Variants in HIRIP3 observed in about 807,000 individuals in gnomAD.
The protein encoded by HIRIP3 is HIRA-interacting protein 3.
Under a neutral mutation model 50.3 loss-of-function variants are expected in HIRIP3, and 40 were observed. The observed-to-expected ratio is 0.79, with a 90% CI of 0.62 to 1.03. The LOEUF (loss-of-function observed/expected upper bound fraction) is 1.03. HIRIP3 is among the 50% of genes least tolerant of loss of function. The pLI is 0.00. For synonymous variants in HIRIP3, 318 were observed against 261.6 expected (o/e 1.22, Z -2.08); for missense variants, 765 against 705.4 (o/e 1.08, Z -0.96).
At position 29,995,147 on chromosome 16, in the gene HIRIP3, C is replaced by A; in HGVS notation, c.257G>T (p.Cys86Phe). The A allele has an allele frequency of 6.2e-7, 1 of 1,614,252 alleles. No homozygotes were observed. Among genetic ancestry groups the A allele is most frequent in the South Asian group, 1.1e-5 (1 of 91,088 alleles). Residue 86 changes from cysteine to phenylalanine, a missense_variant, in exon 3 of 7, where the codon TGT (cysteine) becomes TTT (phenylalanine). Coordinates refer to ENST00000279392, the MANE Select transcript of HIRIP3 (RefSeq NM_003609.5). Reference sequence around the variant, plus strand: ...GAACCTTTTTCTCTCCGGGTCGCTACAAGGGGTGGGAGGCCTCTTGCCCTT... The same window carrying A: ...GAACCTTTTTCTCTCCGGGTCGCTAAAAGGGGTGGGAGGCCTCTTGCCCTT... ...TKKGKRPPTP[C>F]SDPERKRFRF...
rs2070006217 is a variant in HIRIP3, at chr16:29,993,169, G to C, written c.*38C>G. ...GGGCAAGGGGTGCTATGTATGCTTT[G>C]TACATGTATCAAGGGTCCCTCCTGG... is the stretch of plus-strand genomic sequence containing the variant. On this transcript the variant is annotated 3_prime_UTR_variant, in exon 7 of 7. Coordinates refer to ENST00000279392, the MANE Select transcript of HIRIP3 (RefSeq NM_003609.5). 1 of 1,546,676 alleles carries C rather than the reference G, an allele frequency of 6.5e-7. No homozygotes were observed. The highest frequency in any genetic ancestry group is 1.4e-5 in the African/African-American group (1 of 72,532).
chr16:29,994,629 C>T lies in HIRIP3; in HGVS notation c.516G>A (p.Arg172=). 1 of 1,614,144 alleles carries T rather than the reference C, an allele frequency of 6.2e-7. No homozygotes were observed. ...CCTGCTTCTTTACCACAGGTTTCTTCCTAGTCTTCCCCTTGTACCCCTTTT... is the reference window on the plus strand; with the variant it reads ...CCTGCTTCTTTACCACAGGTTTCTTTCTAGTCTTCCCCTTGTACCCCTTTT... The part of the protein sequence containing the change: ...EEEKGYKGKT[R]KKPVVKKQAP... Residue 172 remains arginine, a synonymous_variant, in exon 4 of 7, where the codon AGG becomes AGA. Coordinates refer to ENST00000279392, the MANE Select transcript of HIRIP3 (RefSeq NM_003609.5).
Position 29,993,892 on chromosome 16 carries a change from C to T in HIRIP3, c.1239+14G>A, listed in dbSNP as rs1217998537. On this transcript the variant is annotated intron_variant, in intron 4 of 6. Coordinates refer to ENST00000279392, the MANE Select transcript of HIRIP3 (RefSeq NM_003609.5). ...CTTCCCTAATAGTGGCCTCCCACCC[C>T]TCCTCACCCTCACCTTCCCTCCTTT... is the stretch of plus-strand genomic sequence containing the variant. 6.3e-7 allele frequency: 1 copy of T among 1,583,542 alleles called. No individual in the cohort carries two copies. The highest frequency in any genetic ancestry group is 1.3e-5 in the African/African-American group (1 of 74,118).
Position 29,995,191 on chromosome 16 carries a change from G to T in HIRIP3, c.213C>A (p.Asp71Glu), listed in dbSNP as rs1265890625. The T allele has an allele frequency of 1.4e-5, 22 of 1,614,140 alleles. No individual in the cohort carries two copies. The highest frequency in any genetic ancestry group is 1.9e-5 in the Non-Finnish European group (22 of 1,180,048). ...MQVDEAASRE[D>E]KLDLTKKGKR... is the part of the protein sequence containing the mutation. The stretch of plus-strand genomic sequence containing the variant: ...TGCCCTTCTTGGTAAGGTCCAGTTT[G>T]TCTTCCCTGGAAGCGGCTTCATCCA... The change falls in exon 3 of 7, where the codon GAC (aspartate) becomes GAA (glutamate). Residue 71 changes from aspartate to glutamate, a missense_variant. Transcript: ENST00000279392.
rs538364131 is a variant in HIRIP3 at position 29,994,842 on chromosome 16, C to A, written c.303G>T (p.Glu101Asp). The A allele has an allele frequency of 6.2e-7, 1 of 1,602,432 alleles. No homozygotes were observed. The highest frequency in any genetic ancestry group is 1.1e-5 in the South Asian group (1 of 89,118). Residue 101 changes from glutamate (E) to aspartate (D), a missense_variant and splice_region_variant, in exon 4 of 7, where the codon GAG (glutamate) becomes GAT (aspartate). Coordinates refer to ENST00000279392, the MANE Select transcript of HIRIP3 (RefSeq NM_003609.5). The part of the protein sequence containing the change: ...RKRFRFNSES[E>D]SGSEASSPDY... ...CTGGGCTGGAGGCTTCAGAGCCGGA[C>A]TCTGGAATATGGAGAGGAGAGAGGG...
chr16:29,994,791 ATTC>A lies in HIRIP3; in HGVS notation c.351_353del (p.Lys117del), dbSNP rs755232805. The A allele has an allele frequency of 3.1e-6, 5 of 1,613,672 alleles. No homozygotes were observed. In the Admixed American group the frequency reaches 8.3e-5, roughly 27 times the overall value. On this transcript the variant is annotated inframe_deletion, in exon 4 of 7. Coordinates refer to ENST00000279392, the MANE Select transcript of HIRIP3 (RefSeq NM_003609.5). ...CTGGGCTGACTTCTGCTGCCACCCCATTCTTTGCTGGGGGTCCAAAGTAGTCTG... is the reference window on the plus strand; with the variant it reads ...CTGGGCTGACTTCTGCTGCCACCCCATTTGCTGGGGGTCCAAAGTAGTCTG...
chr16:29,994,764 GGCTGGGCT>G lies in HIRIP3; in HGVS notation c.373_380del (p.Ser125GlnfsTer13), dbSNP rs1252915471. 6.2e-7 allele frequency: 1 copy of G among 1,614,038 alleles called. No homozygotes were observed. Among genetic ancestry groups the G allele is most frequent in the Non-Finnish European group, 8.5e-7 (1 of 1,180,048 alleles). On this transcript the variant is annotated frameshift_variant, in exon 4 of 7. Coordinates refer to ENST00000279392, the MANE Select transcript of HIRIP3 (RefSeq NM_003609.5). LOFTEE classifies it high-confidence loss of function. ...AGGCTCGCCTTGGATTCTCCTCTTTGGCTGGGCTGACTTCTGCTGCCACCCCATTCTTT... is the reference window on the plus strand; with the variant it reads ...AGGCTCGCCTTGGATTCTCCTCTTTGGACTTCTGCTGCCACCCCATTCTTT...
At position 29,994,587 on chromosome 16, in the gene HIRIP3, T is replaced by C. The variant is rs1208505739; in HGVS notation, c.558A>G (p.Ser186=). ...VVKKQAPGKA[S]VSRKQAREES... ...CTTCCCTGGCCTGCTTCCTACTGAC[T>C]GAGGCCTTGCCTGGTGCCTGCTTCT... Residue 186 remains serine (S), a synonymous_variant, in exon 4 of 7, where the codon TCA becomes TCG. Coordinates refer to ENST00000279392, the MANE Select transcript of HIRIP3 (RefSeq NM_003609.5). 6.2e-7 allele frequency: 1 copy of C among 1,614,196 alleles called. No homozygotes were observed. The highest frequency in any genetic ancestry group is 2.2e-5 in the East Asian group (1 of 44,886).
At chr16:29,995,503 C>T (rs1398187388) in intron 1 of HIRIP3, 38 bp downstream of exon 1, 2 of 1,613,658 alleles carry the variant, frequency 1.2e-6, no homozygotes, top group East Asian at 2.2e-5. Context: ...CCGACCCACC[C>T]GCGCCCTTTC....
Position 29,994,648 on chromosome 16 carries a change from C to T in HIRIP3, c.497G>A (p.Gly166Glu), listed in dbSNP as rs777943113. 3.1e-6 allele frequency: 5 copies of T among 1,614,134 alleles called. No individual in the cohort carries two copies. In the Admixed American group the frequency reaches 8.3e-5, roughly 27 times the overall value. Residue 166 changes from glycine to glutamate, a missense_variant, in exon 4 of 7, where the codon GGG (glycine) becomes GAG (glutamate). Physicochemically the swap from Gly to Glu is moderately conservative, Grantham distance 98. Transcript: ENST00000279392. ...TTTCTTCCTAGTCTTCCCCTTGTAC[C>T]CCTTTTCCTCCTCCTCACTGCTCTC... ...GEESSEEEEK[G>E]YKGKTRKKPV...
At position 29,994,212 on chromosome 16, in the gene HIRIP3, G is replaced by A. The variant is rs2070032614; in HGVS notation, c.933C>T (p.Pro311=). ...SGDDSGRDRE[P]PVQRKSEDRT... is the part of the protein sequence containing the mutation. ...TGTCCTCACTCTTCCTCTGCACTGG[G>A]GGTTCTCTATCTCTCCCACTGTCAT... Residue 311 remains proline, a synonymous_variant, in exon 4 of 7, where the codon CCC becomes CCT. Coordinates refer to ENST00000279392, the MANE Select transcript of HIRIP3 (RefSeq NM_003609.5). 1.9e-6 allele frequency: 3 copies of A among 1,613,866 alleles called. No homozygotes were observed. Among genetic ancestry groups the A allele is most frequent in the African/African-American group, 1.3e-5 (1 of 74,870 alleles).
Position 29,994,353 on chromosome 16 carries a change from A to G in HIRIP3, c.792T>C (p.Asn264=). The change falls in exon 4 of 7, where the codon AAT becomes AAC. Residue 264 remains asparagine, a synonymous_variant. Transcript: ENST00000279392. ...CCTCCCTAGCTGACTTTCTCCGGCC[A>G]TTGCTCCTGGTTCTGGGTTTCCAAT... ...KGDWKPRTRS[N]GRRKSAREER... 2 of 1,613,644 alleles carry G rather than the reference A, an allele frequency of 1.2e-6. No individual in the cohort carries two copies. Among genetic ancestry groups the G allele is most frequent in the South Asian group, 2.2e-5 (2 of 91,066 alleles).
rs138012549 is a variant in HIRIP3, at chr16:29,995,593, T to C, written c.13A>G (p.Lys5Glu). 843 of 1,612,058 alleles carry C rather than the reference T, an allele frequency of 5.2e-4. 9 individuals carry two copies. The East Asian group carries it at 0.014, about 27-fold the overall frequency. The stretch of plus-strand genomic sequence containing the variant: ...CTACGGGTGAACTCCTGCATCTCCT[T>C]CTCCCGCGCCATTTTGCTCAACCCG... MARE[K>E]EMQEFTRSFF... The change falls in exon 1 of 7, where the codon AAG (lysine) becomes GAG (glutamate). Residue 5 changes from lysine (K) to glutamate (E), a missense_variant. By Grantham distance (56) the Lys-to-Glu change is moderately conservative. Coordinates refer to ENST00000279392, the MANE Select transcript of HIRIP3 (RefSeq NM_003609.5).
rs1410256577 is a variant in HIRIP3 at position 29,994,018 on chromosome 16, C to T, written c.1127G>A (p.Gly376Glu). 5 of 1,605,622 alleles carry T rather than the reference C, an allele frequency of 3.1e-6. No homozygotes were observed. The highest frequency in any genetic ancestry group is 1.7e-5 in the Admixed American group (1 of 59,076). ...EREVSDSEAGGGPQGERKNRS... is the reference protein window; with the variant it reads ...EREVSDSEAGEGPQGERKNRS... ...GTTCTTCCTCTCCCCCTGGGGGCCT[C>T]CCCCTGCCTCGCTGTCACTTACCTC... Residue 376 changes from glycine to glutamate, a missense_variant, in exon 4 of 7, where the codon GGA becomes GAA. Gly to Glu is a moderately conservative substitution (Grantham distance 98). Transcript: ENST00000279392.
Position 29,993,133 on chromosome 16 carries a change from C to T in HIRIP3, c.*74G>A, listed in dbSNP as rs1332435214. The stretch of plus-strand genomic sequence containing the variant: ...TTCTCTGAAGGAAGCTGCTTCTGTT[C>T]CACAGACACAGGGCAAGGGGTGCTA... On this transcript the variant is annotated 3_prime_UTR_variant, in exon 7 of 7. Transcript: ENST00000279392. 1 of 1,404,162 alleles carries T rather than the reference C, an allele frequency of 7.1e-7. No homozygotes were observed. The highest frequency in any genetic ancestry group is 9.5e-7 in the Non-Finnish European group (1 of 1,049,980). The allele number at this position is 1,404,162 out of a possible 1,614,324, so 87.0% of individuals were successfully genotyped here.
Position 29,994,476 on chromosome 16 carries a change from A to G in HIRIP3, c.669T>C (p.Ser223=), listed in dbSNP as rs1000638423. 1 of 1,612,326 alleles carries G rather than the reference A, an allele frequency of 6.2e-7. No homozygotes were observed. Among genetic ancestry groups the G allele is most frequent in the Non-Finnish European group, 8.5e-7 (1 of 1,179,650 alleles). ...GGATCTCCTCTTCACTCTCCTGTTCACTTTCCTTCAGGCTTTTAGTTCCTT... is the reference window on the plus strand; with the variant it reads ...GGATCTCCTCTTCACTCTCCTGTTCGCTTTCCTTCAGGCTTTTAGTTCCTT... The part of the protein sequence containing the change: ...GNKGTKSLKE[S]EQESEEEILA... The change falls in exon 4 of 7, where the codon AGT becomes AGC. Residue 223 remains serine, a synonymous_variant. Coordinates refer to ENST00000279392, the MANE Select transcript of HIRIP3 (RefSeq NM_003609.5).
upstream of HIRIP3, chr16:29,995,703 C>A: frequency 6.8e-7 from 1 of 1,478,734 alleles, no homozygotes; most frequent in Non-Finnish European, 9.2e-7. Flanking sequence ...GCTGCGGCAA[C>A]GTGGGGCGAG....
At chr16:29,995,510 T>A in intron 1 of HIRIP3, 31 bp downstream of exon 1, 1 of 1,613,590 alleles carries the variant, frequency 6.2e-7, no homozygotes, top group Non-Finnish European at 8.5e-7. Flanking sequence ...ACCCGCGCCC[T>A]TTCCAACCCC....
upstream of HIRIP3, chr16:29,995,767 G>C: frequency 1.2e-6 from 1 of 810,836 alleles, no homozygotes. Flanking sequence ...TGCCAGACGA[G>C]ACTTGTTTTC....
Sources: gnomAD v4.1 joint callset for allele counts on GRCh38, gnomAD v4.1.1 for gene constraint, MANE v1.5 for transcripts, NCBI Gene and HGNC (gene_info 2026-07-23, HGNC 2026-07-21) for gene names.